The following ZNRF3 variants were observed in gnomAD, a reference collection of about 807,000 sequenced individuals.
The protein encoded by ZNRF3 is E3 ubiquitin-protein ligase ZNRF3.
In ZNRF3, 23 loss-of-function variants were observed where a neutral mutation model predicts 72.5. The observed-to-expected ratio is 0.32, with a 90% confidence interval of 0.23 to 0.45. The LOEUF (loss-of-function observed/expected upper bound fraction) is 0.45, where lower values mean the gene tolerates loss of function less well. Ranked by LOEUF, ZNRF3 falls within the 20% of genes least tolerant of loss-of-function variation. The pLI is 1.00. For synonymous variants in ZNRF3, 610 were observed against 545.3 expected (o/e 1.12, Z -1.65); for missense variants, 1,169 against 1,272.1 (o/e 0.92, Z 1.23).
chr22:28,951,619 T>A (rs901517999), intron 1 of ZNRF3, among the ~76,000 whole-genome samples: 1 of 152,188 alleles, frequency 6.6e-6, no homozygotes, highest in Non-Finnish European at 1.5e-5. Context: ...TTACCCAGTT[T>A]ATGGTAGTTC....
At chr22:28,988,864 G>T (rs1341013458) in intron 2 of ZNRF3, among the ~76,000 whole-genome samples, 1 of 152,112 alleles carries the variant, frequency 6.6e-6, no homozygotes, top group Non-Finnish European at 1.5e-5. Context: ...TCTATAAATG[G>T]GTTGGAACAG....
At chr22:28,977,466 G>A (rs1395241644) in intron 1 of ZNRF3, among the ~76,000 whole-genome samples, 2 of 152,194 alleles carry the variant, frequency 1.3e-5, no homozygotes, top group African/African-American at 4.8e-5. Flanking sequence ...AAATGGGTGC[G>A]TCTGTCCTTT....
rs117519820 is a variant in ZNRF3, at chr22:29,032,469, C to G, written c.427-10026C>G. Among the ~76,000 whole-genome samples, 513 of 152,246 alleles carry G rather than the reference C, an allele frequency of 3.4e-3. 5 individuals carry two copies. The East Asian group carries it at 0.045, about 13-fold the overall frequency. On this transcript the variant is annotated intron_variant, in intron 2 of 8. Coordinates refer to ENST00000544604, the MANE Select transcript of ZNRF3 (RefSeq NM_001206998.2). ...CCGGAGGAGACACGATGTCTGCATT[C>G]GAACTGACAACCAGTAAAAAGGCTG...
At chr22:28,935,786 TC>T (rs1305584277) in intron 1 of ZNRF3, among the ~76,000 whole-genome samples, 2 of 152,032 alleles carry the variant, frequency 1.3e-5, no homozygotes, top group East Asian at 3.9e-4. Flanking sequence ...AGGATCACTT[TC>T]CCCAGCAGCA....
At position 28,957,723 on chromosome 22, in the gene ZNRF3, G is replaced by A. The variant is rs541670605; in HGVS notation, c.301-29353G>A. ...CAAAGTGCCAGGATTACAGGTGTGA[G>A]CCACCACGCCCGGCCAATGACTGTT... On this transcript the variant is annotated intron_variant, in intron 1 of 8. Transcript: ENST00000544604. 2.0e-5 allele frequency among the ~76,000 whole-genome samples: 3 copies of A among 152,102 alleles called. No homozygotes were observed. The South Asian group carries it at 6.3e-4, about 32-fold the overall frequency.
At chr22:29,026,659 AG>A (rs1252159461) in intron 2 of ZNRF3, 1 of 152,224 alleles carries the variant, frequency 6.6e-6, no homozygotes, top group African/African-American at 2.4e-5. Context: ...CCCAAAAGTC[AG>A]GAGGACTTCT....
intron 1 of ZNRF3, among the ~76,000 whole-genome samples, chr22:28,903,675 C>T (rs1466398047): frequency 6.6e-6 from 1 of 152,094 alleles, no homozygotes; most frequent in Non-Finnish European, 1.5e-5. Context: ...CCTCCTCTAA[C>T]ATTCCTGAAA....
At chr22:29,035,927 A>T (rs2881726) in intron 2 of ZNRF3, among the ~76,000 whole-genome samples, 43,176 of 151,880 alleles carry the variant, frequency 0.28, 7,633 homozygotes, top group Non-Finnish European at 0.39. Context: ...GGCTGGCCTC[A>T]AGCTCCTGGG....
chr22:28,996,024 C>T (rs960041523), intron 2 of ZNRF3, among the ~76,000 whole-genome samples: 60 of 152,224 alleles, frequency 3.9e-4, no homozygotes, highest in Admixed American at 1.0e-3. Context: ...AATCCACCTT[C>T]CTTGGCCTCC....
At chr22:28,888,729 T>C (rs2033833347) in intron 1 of ZNRF3, among the ~76,000 whole-genome samples, 1 of 152,218 alleles carries the variant, frequency 6.6e-6, no homozygotes, top group African/African-American at 2.4e-5. Context: ...TAGCAACTAT[T>C]GTTAATCCAT....
intron 1 of ZNRF3, among the ~76,000 whole-genome samples, chr22:28,909,045 G>A (rs542844047): frequency 1.3e-5 from 2 of 152,096 alleles, no homozygotes; most frequent in South Asian, 2.1e-4. Flanking sequence ...ACACGTGCAC[G>A]CTGCCACACC....
intron 2 of ZNRF3, among the ~76,000 whole-genome samples, chr22:29,000,609 T>C (rs534488533): frequency 3.9e-5 from 6 of 152,366 alleles, no homozygotes; most frequent in African/African-American, 1.2e-4. Flanking sequence ...TTTCAGTTAC[T>C]GTATTATTCC....
chr22:29,050,883 G>A lies in ZNRF3; in HGVS notation c.2702G>A (p.Arg901Lys). The change falls in exon 8 of 9, where the codon AGG becomes AAG. Residue 901 changes from arginine to lysine, a missense_variant. Arg to Lys is a conservative substitution (Grantham distance 26). This residue lies in a region of ZNRF3 where 783 missense variants were observed against 731.4 expected (regional missense o/e 1.07). Coordinates refer to ENST00000544604, the MANE Select transcript of ZNRF3 (RefSeq NM_001206998.2). ...CCTCCGGAGGAGGCGGGTGCTGTCAGGGCCAACTTCCCTAGTGCCCTCCAG... is the reference window on the plus strand; with the variant it reads ...CCTCCGGAGGAGGCGGGTGCTGTCAAGGCCAACTTCCCTAGTGCCCTCCAG... ...GCPPEEAGAV[R>K]ANFPSALQDT... 4 of 1,586,788 alleles carry A rather than the reference G, an allele frequency of 2.5e-6. No homozygotes were observed. Among genetic ancestry groups the A allele is most frequent in the Non-Finnish European group, 3.4e-6 (4 of 1,172,814 alleles).
At chr22:28,925,443 T>A (rs1383996843) in intron 1 of ZNRF3, among the ~76,000 whole-genome samples, 5 of 152,184 alleles carry the variant, frequency 3.3e-5, no homozygotes, top group African/African-American at 9.7e-5. Context: ...TCTAACCCCA[T>A]GATGCCTCTA....
At chr22:29,047,222 A>G (rs1479768648) in intron 6 of ZNRF3, among the ~76,000 whole-genome samples, 1 of 152,216 alleles carries the variant, frequency 6.6e-6, no homozygotes, top group Non-Finnish European at 1.5e-5. Context: ...ACACCGCTGC[A>G]TATCAGCCTG....
chr22:28,977,919 G>A (rs1314553512), intron 1 of ZNRF3, among the ~76,000 whole-genome samples: 1 of 152,174 alleles, frequency 6.6e-6, no homozygotes, highest in African/African-American at 2.4e-5. Context: ...AGTTTGGCTT[G>A]ATGTACCATA....
chr22:28,887,066 T>A (rs2033801290), intron 1 of ZNRF3, among the ~76,000 whole-genome samples: 1 of 152,228 alleles, frequency 6.6e-6, no homozygotes, highest in African/African-American at 2.4e-5. Flanking sequence ...ATAGCATTGC[T>A]TTTGTTATTT....
intron 1 of ZNRF3, among the ~76,000 whole-genome samples, chr22:28,983,075 C>A (rs562279935): frequency 1.1e-3 from 174 of 152,156 alleles, no homozygotes; most frequent in African/African-American, 3.9e-3. Context: ...CTTTACCCTC[C>A]ACAAGAGGGT....
At chr22:28,981,749 C>T (rs564023201) in intron 1 of ZNRF3, among the ~76,000 whole-genome samples, 4 of 152,254 alleles carry the variant, frequency 2.6e-5, no homozygotes, top group East Asian at 1.9e-4. Context: ...GTAATCCCAG[C>T]GTTTTGGGAG....
Sources: allele counts gnomAD v4.1 joint callset (sites outside exome capture counted in the v4.1 genomes callset), GRCh38; gene constraint gnomAD v4.1.1; regional missense constraint gnomAD v4.1.1; transcripts MANE v1.5; gene names NCBI Gene and HGNC (gene_info 2026-07-23, HGNC 2026-07-21).